Variants in SAE1 observed in about 807,000 individuals in gnomAD.
SAE1 encodes SUMO1 activating enzyme subunit 1.
A neutral mutation model predicts 40.6 loss-of-function variants in SAE1; 11 were observed. The observed-to-expected ratio is 0.27, with a 90% CI of 0.17 to 0.45. SAE1 has a LOEUF of 0.45. Ranked by LOEUF, SAE1 falls within the 20% of genes least tolerant of loss-of-function variation. SAE1 has a pLI of 1.00. For synonymous variants in SAE1, 155 were observed against 154.3 expected (o/e 1.00, Z -0.03); for missense variants, 373 against 427.3 (o/e 0.87, Z 1.12).
At chr19:47,165,715 T>TTA (rs1201966928) in intron 5 of SAE1, among the ~76,000 whole-genome samples, 1 of 152,168 alleles carries the variant, frequency 6.6e-6, no homozygotes, top group Non-Finnish European at 1.5e-5. Context: ...CTGCTACAGA[T>TTA]TAGGCAGCTT....
At chr19:47,162,239 A>G (rs1440381749) in intron 5 of SAE1, among the ~76,000 whole-genome samples, 1 of 152,024 alleles carries the variant, frequency 6.6e-6, no homozygotes, top group Non-Finnish European at 1.5e-5. Context: ...CCATTTTTCT[A>G]TTTATAAGCA....
In SAE1 at chr19:47,201,360, CTTTTTTTTTT is replaced by C. The variant is rs57568797; in HGVS notation, c.879-2291_879-2282del. Among the ~76,000 whole-genome samples, 244 of 66,228 alleles carry C rather than the reference CTTTTTTTTTT, an allele frequency of 3.7e-3. 4 individuals are homozygous for C. The highest frequency in any genetic ancestry group is 0.012 in the African/African-American group (187 of 15,064). The allele number at this position is 66,228 out of a possible 152,430, so 43.4% of individuals were successfully genotyped here. A position where few individuals can be genotyped will look rare whatever the true frequency, so the allele number is the denominator to read the frequency against. On this transcript the variant is annotated intron_variant, in intron 7 of 8. Transcript: ENST00000270225. ...CTGCACCTGGCCTGTTATCTGGTTC[CTTTTTTTTTT>C]TTTTTTTTTTTTTTTTTTTGAATCA...
rs1412475933 is a variant in SAE1 at position 47,140,636 on chromosome 19, A to AC, written c.99-2858_99-2857insC. 7.3e-5 allele frequency among the ~76,000 whole-genome samples: 11 copies of AC among 151,588 alleles called. No individual in the cohort carries two copies. In the South Asian group the frequency reaches 1.9e-3, roughly 26 times the overall value. On this transcript the variant is annotated intron_variant, in intron 1 of 8. Transcript: ENST00000270225. ...ACCCTGTGTCTACAAAAAAAAAAAA[A>AC]AACCCATAAATCAGCCAGGTGCAGT... is the stretch of plus-strand genomic sequence containing the variant.
At chr19:47,198,983 G>T (rs2058634180) in intron 7 of SAE1, among the ~76,000 whole-genome samples, 1 of 152,274 alleles carries the variant, frequency 6.6e-6, no homozygotes, top group African/African-American at 2.4e-5. Flanking sequence ...AGCTACTCTG[G>T]AGGCTGAGGC....
chr19:47,168,824 G>A (rs748160422), intron 5 of SAE1, among the ~76,000 whole-genome samples: 26 of 152,062 alleles, frequency 1.7e-4, no homozygotes, highest in Non-Finnish European at 2.1e-4. Context: ...GGCTGGTCTT[G>A]AACTCCTGAC....
intron 1 of SAE1, among the ~76,000 whole-genome samples, chr19:47,139,488 C>T (rs1047749636): frequency 1.1e-4 from 16 of 151,842 alleles, no homozygotes; most frequent in East Asian, 1.9e-4. Context: ...GTCCAGCCTG[C>T]TGTAGTTTTG....
chr19:47,157,393 G>A (rs912870969), intron 5 of SAE1, among the ~76,000 whole-genome samples: 1 of 152,218 alleles, frequency 6.6e-6, no homozygotes, highest in South Asian at 2.1e-4. Flanking sequence ...CTTTGTGGGT[G>A]CTGTCAGTTT....
chr19:47,148,739 C>T (rs1161449001), intron 2 of SAE1, among the ~76,000 whole-genome samples: 1 of 151,392 alleles, frequency 6.6e-6, no homozygotes, highest in African/African-American at 2.4e-5. Flanking sequence ...CTCAGCCTCC[C>T]GAGTAGCTGG....
At chr19:47,163,028 A>C (rs960519037) in intron 5 of SAE1, among the ~76,000 whole-genome samples, 12 of 152,172 alleles carry the variant, frequency 7.9e-5, no homozygotes, top group African/African-American at 2.9e-4. Context: ...TAAGTTCATA[A>C]TTCCAAATGT....
intron 2 of SAE1, among the ~76,000 whole-genome samples, chr19:47,144,715 AAAAC>A (rs1389972484): frequency 2.6e-5 from 4 of 151,986 alleles, no homozygotes; most frequent in African/African-American, 4.8e-5. Flanking sequence ...AACAACAACA[AAAAC>A]AAACAAAAAC....
intron 6 of SAE1, among the ~76,000 whole-genome samples, chr19:47,192,118 C>T (rs914525494): frequency 6.6e-6 from 1 of 151,906 alleles, no homozygotes; most frequent in Non-Finnish European, 1.5e-5. Flanking sequence ...AAGCCCAAAG[C>T]GTTATAGTGC....
At chr19:47,143,729 C>A (rs2058237513) in intron 2 of SAE1, 124 bp downstream of exon 2, 1 of 693,984 alleles carries the variant, frequency 1.4e-6, no homozygotes, top group Non-Finnish European at 2.5e-6. Flanking sequence ...CATTAATAAA[C>A]CATTGCCTCT....
intron 7 of SAE1, among the ~76,000 whole-genome samples, chr19:47,202,315 G>A (rs1232154835): frequency 6.6e-6 from 1 of 151,626 alleles, no homozygotes; most frequent in Non-Finnish European, 1.5e-5. Context: ...TTTTGAGACA[G>A]TCTTGCCCTG....
chr19:47,201,662 GTCTC>G (rs1326035817), intron 7 of SAE1, among the ~76,000 whole-genome samples: 1 of 138,346 alleles, frequency 7.2e-6, no homozygotes, highest in Non-Finnish European at 1.6e-5. Flanking sequence ...ATTATTGGGA[GTCTC>G]TCTCTCACCC....
intron 6 of SAE1, chr19:47,180,113 G>T (rs1441972280): frequency 1.8e-5 from 8 of 454,032 alleles, no homozygotes; most frequent in South Asian, 1.2e-4. Context: ...ATGTGTGTAT[G>T]CATATCCACT....
chr19:47,143,569 A>G lies in SAE1; in HGVS notation c.174A>G (p.Ala58=). The part of the protein sequence containing the change: ...GAEIAKNLIL[A]GVKGLTMLDH... The stretch of plus-strand genomic sequence containing the variant: ...AAATTGCCAAGAATCTCATCTTGGC[A>G]GGAGTGAAAGGACTGACCATGCTGG... The change falls in exon 2 of 9, where the codon GCA becomes GCG. Residue 58 remains alanine, a synonymous_variant. Transcript: ENST00000270225. 1 of 1,614,054 alleles carries G rather than the reference A, an allele frequency of 6.2e-7. No homozygotes were observed. Among genetic ancestry groups the G allele is most frequent in the Non-Finnish European group, 8.5e-7 (1 of 1,179,974 alleles).
chr19:47,166,302 G>T (rs539637867), intron 5 of SAE1, among the ~76,000 whole-genome samples: 1 of 152,268 alleles, frequency 6.6e-6, no homozygotes, highest in Non-Finnish European at 1.5e-5. Flanking sequence ...TTCCCGATGT[G>T]CCTTAATCTG....
intron 6 of SAE1, among the ~76,000 whole-genome samples, chr19:47,182,582 C>CA (rs1332576503): frequency 6.6e-6 from 1 of 151,692 alleles, no homozygotes; most frequent in Non-Finnish European, 1.5e-5. Flanking sequence ...AAGAAGGCAC[C>CA]ACCATGGAAA....
Position 47,133,848 on chromosome 19 carries a change from G to T in SAE1, c.98+2820G>T, listed in dbSNP as rs569217236. On this transcript the variant is annotated intron_variant, in intron 1 of 8. Coordinates refer to ENST00000270225, the MANE Select transcript of SAE1 (RefSeq NM_005500.3). ...AGAGTCAGTTCTCTTTTAGGTTTCA[G>T]ATTTGTTTTTTTTGTTTGTTTTTTT... Among the ~76,000 whole-genome samples, 3 of 151,236 alleles carry T rather than the reference G, an allele frequency of 2.0e-5. No homozygotes were observed. In the East Asian group the frequency reaches 5.8e-4, roughly 29 times the overall value.
Sources: gnomAD v4.1 joint callset for allele counts (sites outside exome capture counted in the v4.1 genomes callset) on GRCh38, gnomAD v4.1.1 for gene constraint, MANE v1.5 for transcripts, NCBI Gene and HGNC (gene_info 2026-07-23, HGNC 2026-07-21) for gene names.